The following TSPAN5 variants were observed in gnomAD, a reference collection of about 807,000 sequenced individuals.
TSPAN5 encodes tetraspanin 5.
Under a neutral mutation model 37.1 loss-of-function variants are expected in TSPAN5, and 10 were observed. The observed-to-expected ratio is 0.27, with a 90% CI of 0.17 to 0.46. TSPAN5 has a LOEUF of 0.46. TSPAN5 is among the 20% of genes least tolerant of loss of function. TSPAN5 has a pLI of 1.00. For missense variants in TSPAN5, 195 were observed against 326.6 expected (o/e 0.60, Z 3.11); for synonymous variants, 110 against 118.9 (o/e 0.93, Z 0.48).
chr4:98,602,129 C>A (rs1045157218), intron 1 of TSPAN5, among the ~76,000 whole-genome samples: 1 of 151,996 alleles, frequency 6.6e-6, no homozygotes, highest in Admixed American at 6.6e-5. Flanking sequence ...TATGGAATGT[C>A]GTGAGAATTA....
At chr4:98,511,372 G>A (rs906511687) in intron 1 of TSPAN5, among the ~76,000 whole-genome samples, 9 of 152,116 alleles carry the variant, frequency 5.9e-5, no homozygotes, top group Admixed American at 2.0e-4. Flanking sequence ...AGCCTATGAC[G>A]CACCTAGGCT....
At chr4:98,591,955 T>C (rs949235310) in intron 1 of TSPAN5, among the ~76,000 whole-genome samples, 1 of 151,396 alleles carries the variant, frequency 6.6e-6, no homozygotes, top group Non-Finnish European at 1.5e-5. Flanking sequence ...CTCCCTTATT[T>C]AAAGATTTAT....
chr4:98,578,436 A>AT (rs1471986761), intron 1 of TSPAN5, among the ~76,000 whole-genome samples: 3 of 151,856 alleles, frequency 2.0e-5, no homozygotes, highest in African/African-American at 7.3e-5. Flanking sequence ...TATTTATTTT[A>AT]TTTTTTTGAG....
chr4:98,636,564 A>G (rs969683351), intron 1 of TSPAN5, among the ~76,000 whole-genome samples: 3 of 152,182 alleles, frequency 2.0e-5, no homozygotes, highest in African/African-American at 7.2e-5. Context: ...TAACAATGCA[A>G]GTGAGAAATT....
chr4:98,640,851 G>T (rs987475135), intron 1 of TSPAN5, among the ~76,000 whole-genome samples: 2 of 152,150 alleles, frequency 1.3e-5, no homozygotes, highest in African/African-American at 4.8e-5. Flanking sequence ...TCACCTACTG[G>T]TCCCTCAATT....
At chr4:98,482,318 AT>A in intron 3 of TSPAN5, 143 bp from the exon 4 acceptor site, 1 of 675,276 alleles carries the variant, frequency 1.5e-6, no homozygotes, top group East Asian at 2.8e-5. Flanking sequence ...GTTTCTGCTG[AT>A]TCATTAATAG....
rs1752687795 is a variant in TSPAN5, at chr4:98,476,052, T to C, written c.741+137A>G. Reference sequence around the variant, plus strand: ...ATAAAATAAAACACAAACCAAATCGTTTAGGTCTGTTCCTCAGCCCTCCAA... The same window carrying C: ...ATAAAATAAAACACAAACCAAATCGCTTAGGTCTGTTCCTCAGCCCTCCAA... On this transcript the variant is annotated intron_variant, in intron 7 of 7. Transcript: ENST00000305798. The C allele has an allele frequency of 8.7e-6, 5 of 575,754 alleles. No homozygotes were observed. In the East Asian group the frequency reaches 1.4e-4, roughly 16 times the overall value. The allele number at this position is 575,754 out of a possible 1,614,324, so 35.7% of individuals were successfully genotyped here. A position where few individuals can be genotyped will look rare whatever the true frequency, so the allele number is the denominator to read the frequency against.
At chr4:98,568,413 G>A (rs749558805) in intron 1 of TSPAN5, among the ~76,000 whole-genome samples, 5 of 152,082 alleles carry the variant, frequency 3.3e-5, no homozygotes, top group Non-Finnish European at 5.9e-5. Flanking sequence ...GTGGTGGCAC[G>A]TGCCTGTAGT....
intron 1 of TSPAN5, among the ~76,000 whole-genome samples, chr4:98,644,087 T>G (rs1328299782): frequency 6.6e-6 from 1 of 152,110 alleles, no homozygotes; most frequent in African/African-American, 2.4e-5. Context: ...AAGTATAGAG[T>G]TTTTCAAATG....
intron 1 of TSPAN5, among the ~76,000 whole-genome samples, chr4:98,599,423 A>G (rs765291630): frequency 1.3e-5 from 2 of 152,214 alleles, no homozygotes; most frequent in Non-Finnish European, 2.9e-5. Flanking sequence ...TTTAAAAGAA[A>G]CTTTTTAAAA....
chr4:98,516,917 AGCCCTTGCCAGAAACCAGGGCCAT>A (rs2110112543), intron 1 of TSPAN5, among the ~76,000 whole-genome samples: 1 of 152,286 alleles, frequency 6.6e-6, no homozygotes, highest in Non-Finnish European at 1.5e-5. Context: ...GCAGCATGGA[AGCCCTTGCCAGAAACCAGGGCCAT>A]GCCCTTGAAC....
rs149597443 is a variant in TSPAN5, at chr4:98,550,027, C to T, written c.82-42299G>A. On this transcript the variant is annotated intron_variant, in intron 1 of 7. Coordinates refer to ENST00000305798, the MANE Select transcript of TSPAN5 (RefSeq NM_005723.4). ...AGGATTTTTATAGTTTCAGGTCTTA[C>T]GTTTAGGTCTTTAATCCATCCTGAG... Among the ~76,000 whole-genome samples, 182 of 152,164 alleles carry T rather than the reference C, an allele frequency of 1.2e-3. 1 individual carries two copies. The highest frequency in any genetic ancestry group is 3.7e-3 in the African/African-American group (154 of 41,514).
At position 98,598,310 on chromosome 4, in the gene TSPAN5, A is replaced by G. The variant is rs372590737; in HGVS notation, c.81+59836T>C. ...CTGCTTCGGCTCGCGCACGGTGCGC[A>G]CACACACTGGCCTGCGCCCACTGTC... On this transcript the variant is annotated intron_variant, in intron 1 of 7. Transcript: ENST00000305798. 7.0e-5 allele frequency among the ~76,000 whole-genome samples: 10 copies of G among 141,920 alleles called. No homozygotes were observed. In the East Asian group the frequency reaches 1.1e-3, roughly 15 times the overall value. The allele number at this position is 141,920 out of a possible 152,430, so 93.1% of individuals were successfully genotyped here.
Position 98,645,766 on chromosome 4 carries a change from A to G in TSPAN5, c.81+12380T>C, listed in dbSNP as rs142299882. Among the ~76,000 whole-genome samples the G allele has an allele frequency of 1.9e-3, 291 of 152,334 alleles. 3 individuals carry two copies. Among genetic ancestry groups the G allele is most frequent in the African/African-American group, 6.1e-3 (254 of 41,572 alleles). Reference sequence around the variant, plus strand: ...GGGAGTCACAACCCATCTGAGGACCATGAGGTTGATTAATGAATCTAAACC... The same window carrying G: ...GGGAGTCACAACCCATCTGAGGACCGTGAGGTTGATTAATGAATCTAAACC... On this transcript the variant is annotated intron_variant, in intron 1 of 7. Coordinates refer to ENST00000305798, the MANE Select transcript of TSPAN5 (RefSeq NM_005723.4).
At chr4:98,537,323 G>A (rs952267939) in intron 1 of TSPAN5, among the ~76,000 whole-genome samples, 5 of 152,138 alleles carry the variant, frequency 3.3e-5, no homozygotes, top group Admixed American at 2.0e-4. Context: ...GGCTGCACCC[G>A]CTGTCCAACC....
rs142202045 is a variant in TSPAN5, at chr4:98,502,487, C to T, written c.132+5191G>A. On this transcript the variant is annotated intron_variant, in intron 2 of 7. Coordinates refer to ENST00000305798, the MANE Select transcript of TSPAN5 (RefSeq NM_005723.4). ...TATCCTGGAAGCCAAGTGAGGAAAA[C>T]GTTTCTCGAATTGAGGAGTGATGTA... Among the ~76,000 whole-genome samples, 476 of 152,256 alleles carry T rather than the reference C, an allele frequency of 3.1e-3. 3 individuals carry two copies. Among genetic ancestry groups the T allele is most frequent in the Middle Eastern group, 0.01 (3 of 294 alleles).
intron 1 of TSPAN5, among the ~76,000 whole-genome samples, chr4:98,592,874 T>A (rs1393917286): frequency 6.7e-6 from 1 of 149,120 alleles, no homozygotes; most frequent in Non-Finnish European, 1.5e-5. Flanking sequence ...ACTTTGCTAT[T>A]GTGAATAGTG....
chr4:98,556,500 AT>A (rs1318424277), intron 1 of TSPAN5, among the ~76,000 whole-genome samples: 1 of 152,190 alleles, frequency 6.6e-6, no homozygotes, highest in Non-Finnish European at 1.5e-5. Context: ...GGCAGGGGAG[AT>A]TATTTCAACC....
intron 1 of TSPAN5, among the ~76,000 whole-genome samples, chr4:98,631,163 T>C (rs542294437): frequency 1.3e-5 from 2 of 152,304 alleles, no homozygotes; most frequent in Admixed American, 1.3e-4. Context: ...TGCAATTACT[T>C]TGCTGAATCG....
Sources: allele counts gnomAD v4.1 joint callset (sites outside exome capture counted in the v4.1 genomes callset), GRCh38; gene constraint gnomAD v4.1.1; transcripts MANE v1.5; gene names NCBI Gene and HGNC (gene_info 2026-07-23, HGNC 2026-07-21).